BNC2: variants seen among roughly 807,000 people sequenced by gnomAD.
BNC2 encodes basonuclin zinc finger protein 2, also known as zinc finger protein basonuclin-2.
A neutral mutation model predicts 76.3 loss-of-function variants in BNC2; 20 were observed. The ratio of observed to expected loss-of-function variants is 0.26; its 90% CI spans 0.18 to 0.38. The LOEUF is 0.38. BNC2 is among the 10% of genes least tolerant of loss of function. The probability of loss-of-function intolerance (pLI) is 1.00; values close to 1 mark genes in which losing one functional copy is unlikely to be tolerated. For synonymous variants in BNC2, 582 were observed against 514.8 expected, an observed-to-expected ratio of 1.13 and a Z score of -1.77; for missense variants, 1,382 against 1,399.8, an observed-to-expected ratio of 0.99 and a Z score of 0.20.
chr9:16,851,872 G>A (rs1586935939), intron 1 of BNC2, among the ~76,000 whole-genome samples: 2 of 152,122 alleles, frequency 1.3e-5, no homozygotes, highest in South Asian at 4.1e-4. Flanking sequence ...GTTAGCACAG[G>A]TACAAAGGAC....
Position 16,418,900 on chromosome 9 carries a change from C to CACACACA in BNC2, c.*88_*89insTGTGTGT, listed in dbSNP as rs1275778940. The CACACACA allele has an allele frequency of 3.0e-4, 428 of 1,416,206 alleles. No homozygotes were observed. The highest frequency in any genetic ancestry group is 6.3e-4 in the African/African-American group (44 of 70,108). 87.7% of individuals were successfully genotyped at this position (1,416,206 alleles called of 1,614,324 possible). On this transcript the variant is annotated 3_prime_UTR_variant, in exon 7 of 7. Coordinates refer to ENST00000380672, the MANE Select transcript of BNC2 (RefSeq NM_017637.6). Reference sequence around the variant, plus strand: ...ACACACACACACACACACACACACACCCCAAGTACATAAGCGCACACTGAC... The same window carrying CACACACA: ...ACACACACACACACACACACACACACACACACACCCAAGTACATAAGCGCACACTGAC...
chr9:16,850,424 A>G (rs1247091006), intron 1 of BNC2, among the ~76,000 whole-genome samples: 1 of 152,218 alleles, frequency 6.6e-6, no homozygotes, highest in East Asian at 1.9e-4. Flanking sequence ...TAGTGGGAGG[A>G]AAGAATCAAT....
At chr9:16,802,823 C>A (rs1457685228) in intron 1 of BNC2, among the ~76,000 whole-genome samples, 1 of 152,172 alleles carries the variant, frequency 6.6e-6, no homozygotes, top group African/African-American at 2.4e-5. Flanking sequence ...TGGAAATAGG[C>A]AAAGCAAGTA....
At chr9:16,710,078 T>C (rs1367642487) in intron 3 of BNC2, among the ~76,000 whole-genome samples, 1 of 151,904 alleles carries the variant, frequency 6.6e-6, no homozygotes. Context: ...TGAATGCTGA[T>C]GAATGGAAAT....
chr9:16,759,564 G>A (rs1164664382), intron 1 of BNC2, among the ~76,000 whole-genome samples: 2 of 151,982 alleles, frequency 1.3e-5, no homozygotes, highest in East Asian at 3.9e-4. Flanking sequence ...AACATAGCTT[G>A]AAAACAAATC....
chr9:16,658,760 C>A (rs1822008295), intron 3 of BNC2, among the ~76,000 whole-genome samples: 1 of 152,176 alleles, frequency 6.6e-6, no homozygotes, highest in East Asian at 1.9e-4. Flanking sequence ...CCAGAACAGA[C>A]AATCCAGCTA....
intron 1 of BNC2, among the ~76,000 whole-genome samples, chr9:16,767,732 T>TA: frequency 6.6e-6 from 1 of 152,314 alleles, no homozygotes; most frequent in South Asian, 2.1e-4. Context: ...GTAAACAGTA[T>TA]AATAGCCCCT....
Position 16,492,284 on chromosome 9 carries a change from G to A in BNC2, c.670-54760C>T, listed in dbSNP as rs1822294851. Reference sequence around the variant, plus strand: ...CCAGGTTCACTTTAAAGCAGCAAGAGGTGAAAATCTTGGTGATACATCACA... The same window carrying A: ...CCAGGTTCACTTTAAAGCAGCAAGAAGTGAAAATCTTGGTGATACATCACA... On this transcript the variant is annotated intron_variant, in intron 5 of 6. Coordinates refer to ENST00000380672, the MANE Select transcript of BNC2 (RefSeq NM_017637.6). 1.3e-5 allele frequency among the ~76,000 whole-genome samples: 2 copies of A among 152,124 alleles called. 1 individual carries two copies. The highest frequency in any genetic ancestry group is 4.1e-4 in the South Asian group (2 of 4,826).
chr9:16,764,683 G>A (rs548880466), intron 1 of BNC2, among the ~76,000 whole-genome samples: 1 of 149,900 alleles, frequency 6.7e-6, no homozygotes, highest in African/African-American at 2.4e-5. Context: ...TTTAACCCAT[G>A]TACTAGCTCA....
chr9:16,425,066 A>G (rs768612820), intron 6 of BNC2, among the ~76,000 whole-genome samples: 1 of 152,196 alleles, frequency 6.6e-6, no homozygotes. Flanking sequence ...AACACTCAAA[A>G]AGCCCCAAAT....
At chr9:16,745,974 G>C (rs2135218765) in intron 1 of BNC2, among the ~76,000 whole-genome samples, 1 of 152,236 alleles carries the variant, frequency 6.6e-6, no homozygotes, top group South Asian at 2.1e-4. Flanking sequence ...TATAAAGCCT[G>C]GGCTCCTTGG....
At chr9:16,569,863 A>G (rs140168366) in intron 4 of BNC2, among the ~76,000 whole-genome samples, 1 of 152,094 alleles carries the variant, frequency 6.6e-6, no homozygotes, top group Non-Finnish European at 1.5e-5. Flanking sequence ...GTTCTATCCA[A>G]TCTCCAGTTG....
intron 5 of BNC2, among the ~76,000 whole-genome samples, chr9:16,490,240 G>A (rs1026978313): frequency 5.9e-5 from 9 of 152,154 alleles, no homozygotes; most frequent in Admixed American, 5.9e-4. Context: ...GAATCATGGT[G>A]GGAGGTGAGA....
At chr9:16,551,803 G>A (rs1818671379) in intron 5 of BNC2, among the ~76,000 whole-genome samples, 1 of 152,172 alleles carries the variant, frequency 6.6e-6, no homozygotes, top group South Asian at 2.1e-4. Flanking sequence ...GCAAAAATGA[G>A]ATGAAGAAAG....
intron 3 of BNC2, among the ~76,000 whole-genome samples, chr9:16,639,699 T>C (rs1375306870): frequency 6.6e-6 from 1 of 152,124 alleles, no homozygotes; most frequent in Non-Finnish European, 1.5e-5. Context: ...GGAAGACCGC[T>C]TGAGCCCAAG....
At chr9:16,559,520 T>C (rs1818945785) in intron 4 of BNC2, among the ~76,000 whole-genome samples, 5 of 152,238 alleles carry the variant, frequency 3.3e-5, no homozygotes, top group Admixed American at 3.3e-4. Flanking sequence ...CTTAGCAACT[T>C]CATTCAAGAA....
intron 3 of BNC2, among the ~76,000 whole-genome samples, chr9:16,611,786 TA>T (rs1415847316): frequency 6.6e-6 from 1 of 151,850 alleles, no homozygotes; most frequent in African/African-American, 2.4e-5. Flanking sequence ...AGCTCAATTT[TA>T]AAATATTCTA....
At chr9:16,513,161 C>T (rs1822798870) in intron 5 of BNC2, among the ~76,000 whole-genome samples, 1 of 151,840 alleles carries the variant, frequency 6.6e-6, no homozygotes, top group Non-Finnish European at 1.5e-5. Flanking sequence ...AAAAGAAAAA[C>T]ATAATAATGA....
At chr9:16,490,268 AGCC>A (rs1302011870) in intron 5 of BNC2, among the ~76,000 whole-genome samples, 1 of 152,136 alleles carries the variant, frequency 6.6e-6, no homozygotes, top group Non-Finnish European at 1.5e-5. Flanking sequence ...CTAACATGGC[AGCC>A]GCAAGAGAAA....
Sources: gnomAD v4.1 joint callset for allele counts (sites outside exome capture counted in the v4.1 genomes callset) on GRCh38, gnomAD v4.1.1 for gene constraint, MANE v1.5 for transcripts, NCBI Gene and HGNC (gene_info 2026-07-23, HGNC 2026-07-21) for gene names.